The following AK9 variants were observed in gnomAD, a reference collection of about 807,000 sequenced individuals.
AK9 encodes adenylate kinase domain containing 1.
A neutral mutation model predicts 239.6 loss-of-function variants in AK9; 191 were observed. That is an observed-to-expected ratio of 0.80 (90% CI 0.71 to 0.90). The LOEUF is 0.90. Ranked by LOEUF, AK9 falls within the 40% of genes least tolerant of loss-of-function variation. The pLI is 0.00. For synonymous variants in AK9, 689 were observed against 721.0 expected (o/e 0.96, Z 0.71); for missense variants, 1,995 against 2,214.7 (o/e 0.90, Z 1.99).
Position 109,662,587 on chromosome 6 carries a change from GTT to G in AK9, c.406_407del (p.Asn136LeufsTer6). ...TTATAACATCAGGTTTCAGGTTTAA[GTT>G]TTTAATTAATTCTATTTGCTGTAAG... The part of the protein sequence containing the change: ...TTLQQIELIK[N>X]LNLKPDVIIN... On this transcript the variant is annotated frameshift_variant, in exon 6 of 41. Transcript: ENST00000424296. LOFTEE classifies it high-confidence loss of function. 6.3e-7 allele frequency: 1 copy of G among 1,577,916 alleles called. No homozygotes were observed. Among genetic ancestry groups the G allele is most frequent in the Admixed American group, 1.8e-5 (1 of 56,258 alleles).
chr6:109,539,309 C>T lies in AK9; in HGVS notation c.3350+2738G>A, dbSNP rs1205327929. Among the ~76,000 whole-genome samples the T allele has an allele frequency of 9.2e-5, 14 of 152,246 alleles. No homozygotes were observed. The East Asian group carries it at 2.1e-3, about 23-fold the overall frequency. On this transcript the variant is annotated intron_variant, in intron 27 of 40. Coordinates refer to ENST00000424296, the MANE Select transcript of AK9 (RefSeq NM_001145128.3). ...TGGAGGCTTTGTTCATTTCTTTTTACTCTTTTTTCTCTAATCTTCTCTTCT... is the reference window on the plus strand; with the variant it reads ...TGGAGGCTTTGTTCATTTCTTTTTATTCTTTTTTCTCTAATCTTCTCTTCT...
chr6:109,623,048 G>T (rs982436333), intron 12 of AK9, among the ~76,000 whole-genome samples: 1 of 152,048 alleles, frequency 6.6e-6, no homozygotes, highest in Admixed American at 6.6e-5. Context: ...CTATCAGGGA[G>T]GTGGTATCCT....
At chr6:109,689,255 G>A (rs1254336379) in intron 1 of AK9, among the ~76,000 whole-genome samples, 4 of 152,132 alleles carry the variant, frequency 2.6e-5, no homozygotes, top group African/African-American at 9.7e-5. Context: ...AATTAGGGTG[G>A]CATGGTGTGA....
chr6:109,581,482 G>C (rs761441120), intron 19 of AK9, among the ~76,000 whole-genome samples: 12 of 152,194 alleles, frequency 7.9e-5, no homozygotes, highest in Non-Finnish European at 1.5e-4. Flanking sequence ...AAGTTTTTGA[G>C]TGGTCTGATT....
At chr6:109,529,221 T>C (rs1780921899) in intron 28 of AK9, 148 bp from the exon 29 acceptor site, 1 of 922,316 alleles carries the variant, frequency 1.1e-6, no homozygotes, top group South Asian at 2.2e-5. Context: ...GCGGTAATCA[T>C]GTTGCTTGGC....
At chr6:109,614,143 T>C (rs1793885553) in intron 15 of AK9, 40 bp downstream of exon 15, 4 of 1,438,950 alleles carry the variant, frequency 2.8e-6, no homozygotes, top group Non-Finnish European at 3.8e-6. Context: ...TAAATGAAAA[T>C]GAGATCCACA....
At chr6:109,607,533 T>C (rs1423495811) in intron 17 of AK9, among the ~76,000 whole-genome samples, 1 of 152,148 alleles carries the variant, frequency 6.6e-6, no homozygotes, top group African/African-American at 2.4e-5. Context: ...AGGATGTGCA[T>C]AGGTTATATG....
chr6:109,565,341 G>A (rs1442206602), intron 21 of AK9, among the ~76,000 whole-genome samples: 1 of 152,066 alleles, frequency 6.6e-6, no homozygotes, highest in Non-Finnish European at 1.5e-5. Context: ...CAGGCATGGT[G>A]GCTCACACCT....
intron 29 of AK9, chr6:109,528,772 G>A: frequency 1.6e-6 from 1 of 608,548 alleles, no homozygotes; most frequent in South Asian, 1.5e-5. Flanking sequence ...TTATACAGAT[G>A]GAAATCAGGT....
intron 35 of AK9, among the ~76,000 whole-genome samples, chr6:109,501,981 T>C (rs954383557): frequency 3.9e-5 from 6 of 152,190 alleles, no homozygotes; most frequent in African/African-American, 1.4e-4. Context: ...ACATTCCCAA[T>C]TGCCCAATTA....
chr6:109,652,827 C>T (rs1799159088), intron 8 of AK9, among the ~76,000 whole-genome samples: 1 of 152,198 alleles, frequency 6.6e-6, no homozygotes, highest in Non-Finnish European at 1.5e-5. Flanking sequence ...CCATTCACCT[C>T]ATTGATATAA....
At chr6:109,637,141 T>C (rs1796821996) in intron 10 of AK9, among the ~76,000 whole-genome samples, 1 of 152,240 alleles carries the variant, frequency 6.6e-6, no homozygotes, top group South Asian at 2.1e-4. Context: ...ATTTCCTTAA[T>C]GGCTAGTGAT....
In AK9 at chr6:109,542,133, G is replaced by T; in HGVS notation, c.3264C>A (p.Ile1088=). ...EVQLTEEEEV[I]KSSLMENEPL... is the part of the protein sequence containing the mutation. ...GCTCATTTTCCATTAGACTTGATTT[G>T]ATTACTTCTTCTTCTTCTGTAAGTT... Residue 1088 remains isoleucine, a synonymous_variant, in exon 27 of 41, where the codon ATC becomes ATA. Coordinates refer to ENST00000424296, the MANE Select transcript of AK9 (RefSeq NM_001145128.3). 2.5e-6 allele frequency: 4 copies of T among 1,604,596 alleles called. No homozygotes were observed. The highest frequency in any genetic ancestry group is 3.4e-6 in the Non-Finnish European group (4 of 1,175,514).
chr6:109,495,480 T>C (rs747433489), intron 38 of AK9, 40 bp from the exon 39 acceptor site: 5 of 1,461,542 alleles, frequency 3.4e-6, no homozygotes, highest in East Asian at 4.5e-5. Flanking sequence ...CTCACAGTTA[T>C]ACTCAGTGTG....
At chr6:109,591,930 CA>C (rs1430225674) in intron 17 of AK9, among the ~76,000 whole-genome samples, 1 of 151,352 alleles carries the variant, frequency 6.6e-6, no homozygotes. Flanking sequence ...GAGGCTGAAG[CA>C]AATCTGACTG....
intron 24 of AK9, among the ~76,000 whole-genome samples, chr6:109,558,384 A>G (rs1785284198): frequency 6.6e-6 from 1 of 152,096 alleles, no homozygotes; most frequent in Non-Finnish European, 1.5e-5. Flanking sequence ...CCTATAATAC[A>G]TTCTAAGTTA....
intron 8 of AK9, among the ~76,000 whole-genome samples, chr6:109,649,001 T>C (rs1286180920): frequency 6.6e-6 from 1 of 152,218 alleles, no homozygotes; most frequent in Non-Finnish European, 1.5e-5. Flanking sequence ...CACATGATTA[T>C]CTCAACAGAT....
chr6:109,563,057 T>C (rs1785989910), intron 24 of AK9, among the ~76,000 whole-genome samples: 1 of 152,260 alleles, frequency 6.6e-6, no homozygotes. Context: ...CATATATATT[T>C]GGGTTTAAGT....
At position 109,633,903 on chromosome 6, in the gene AK9, A is replaced by T. The variant is rs1456516061; in HGVS notation, c.934-580T>A. Among the ~76,000 whole-genome samples, 5 of 152,206 alleles carry T rather than the reference A, an allele frequency of 3.3e-5. No homozygotes were observed. In the East Asian group the frequency reaches 9.6e-4, roughly 29 times the overall value. On this transcript the variant is annotated intron_variant, in intron 10 of 40. Coordinates refer to ENST00000424296, the MANE Select transcript of AK9 (RefSeq NM_001145128.3). The stretch of plus-strand genomic sequence containing the variant: ...TCTACAGACTGCAAAATTCTGTAGA[A>T]AACTGCTAATTCTCAGTTGGGAACA...
Sources: allele counts gnomAD v4.1 joint callset (sites outside exome capture counted in the v4.1 genomes callset), GRCh38; gene constraint gnomAD v4.1.1; transcripts MANE v1.5; gene names NCBI Gene and HGNC (gene_info 2026-07-23, HGNC 2026-07-21).